The following TFEC variants were observed in gnomAD, a reference collection of about 807,000 sequenced individuals.
The protein encoded by TFEC is transcription factor EC, also known as class E basic helix-loop-helix protein 34.
In TFEC, 31 loss-of-function variants were observed where a neutral mutation model predicts 41.6. The observed-to-expected ratio is 0.74, with a 90% CI of 0.56 to 1.01. The LOEUF is 1.01. Ranked by LOEUF, TFEC falls within the 50% of genes least tolerant of loss-of-function variation. The pLI, the probability that TFEC is intolerant of heterozygous loss-of-function variation, is 0.00. For synonymous variants in TFEC, 143 were observed against 140.6 expected (o/e 1.02, Z -0.12); for missense variants, 402 against 404.1 (o/e 0.99, Z 0.04).
chr7:116,026,334 CTT>C (rs1795583663), intron 1 of TFEC, among the ~76,000 whole-genome samples: 2 of 152,210 alleles, frequency 1.3e-5, no homozygotes, highest in African/African-American at 4.8e-5. Context: ...CCCATCTTCT[CTT>C]TGAACCCTTT....
chr7:116,087,164 G>A lies in TFEC; in HGVS notation c.198+23544C>T, dbSNP rs529186121. Among the ~76,000 whole-genome samples, 7 of 152,004 alleles carry A rather than the reference G, an allele frequency of 4.6e-5. No homozygotes were observed. The Middle Eastern group carries it at 0.014, about 295-fold the overall frequency. On this transcript the variant is annotated intron_variant, in intron 3 of 8. Coordinates refer to the TFEC transcript ENST00000484212. ...TAAAAACTTCCAACTAAGCCTAAAT[G>A]CCACACCCTGGGATGCAGAATTTTA... is the stretch of plus-strand genomic sequence containing the variant.
At chr7:116,110,603 T>C (rs1797831367) in intron 3 of TFEC, 26 of 850,116 alleles carry the variant, frequency 3.1e-5, no homozygotes, top group Non-Finnish European at 4.2e-5. Context: ...TTTATTCTTG[T>C]TTTTTTCCTT....
At chr7:116,082,759 T>C (rs1797119546) in intron 3 of TFEC, among the ~76,000 whole-genome samples, 1 of 152,004 alleles carries the variant, frequency 6.6e-6, no homozygotes, top group African/African-American at 2.4e-5. Context: ...TTCATTATTA[T>C]GTACATATGT....
At chr7:116,098,719 T>C (rs1797529115) in intron 3 of TFEC, among the ~76,000 whole-genome samples, 1 of 152,152 alleles carries the variant, frequency 6.6e-6, no homozygotes, top group Non-Finnish European at 1.5e-5. Context: ...TAACTAAGAA[T>C]TGGCACCAAT....
intron 1 of TFEC, among the ~76,000 whole-genome samples, chr7:115,997,459 TG>T (rs757112164): frequency 3.3e-5 from 5 of 152,154 alleles, no homozygotes; most frequent in Non-Finnish European, 7.3e-5. Context: ...TTTAAATACC[TG>T]GAATGCCTTC....
chr7:116,110,179 A>G (rs994054492), intron 3 of TFEC, among the ~76,000 whole-genome samples: 46 of 152,198 alleles, frequency 3.0e-4, no homozygotes, highest in Non-Finnish European at 6.2e-4. Context: ...TACATATGTA[A>G]CAAACCTGCA....
chr7:116,108,689 T>C (rs1386703333), intron 3 of TFEC, among the ~76,000 whole-genome samples: 1 of 152,136 alleles, frequency 6.6e-6, no homozygotes, highest in Non-Finnish European at 1.5e-5. Context: ...TATATCCTCA[T>C]AGTGTTTGCT....
chr7:116,080,976 A>AGTGTGTGTGT (rs60317630), intron 3 of TFEC, among the ~76,000 whole-genome samples: 232 of 138,012 alleles, frequency 1.7e-3, no homozygotes, highest in East Asian at 6.5e-3. Flanking sequence ...AAGAAAATGT[A>AGTGTGTGTGT]GTGTGTGTGT....
intron 3 of TFEC, among the ~76,000 whole-genome samples, chr7:116,041,029 T>C (rs528714073): frequency 1.3e-5 from 2 of 152,170 alleles, no homozygotes; most frequent in Non-Finnish European, 2.9e-5. Flanking sequence ...ACTTATTTCA[T>C]GCATTGCAAA....
chr7:115,996,862 A>G (rs977746613), intron 1 of TFEC, among the ~76,000 whole-genome samples: 1 of 152,102 alleles, frequency 6.6e-6, no homozygotes, highest in Non-Finnish European at 1.5e-5. Flanking sequence ...TGAAAAGGAA[A>G]AGAAAGAGTG....
intron 3 of TFEC, among the ~76,000 whole-genome samples, chr7:116,035,918 G>T (rs529253024): frequency 6.6e-6 from 1 of 152,040 alleles, no homozygotes; most frequent in South Asian, 2.1e-4. Flanking sequence ...ATTTTTAAAT[G>T]TGGCTCAGAA....
chr7:116,083,102 A>G (rs1797127214), intron 3 of TFEC, among the ~76,000 whole-genome samples: 1 of 151,870 alleles, frequency 6.6e-6, no homozygotes, highest in African/African-American at 2.4e-5. Context: ...AAGTACTACG[A>G]AAATATTTAA....
chr7:116,036,283 T>C (rs1018985687), intron 3 of TFEC, among the ~76,000 whole-genome samples: 27 of 152,024 alleles, frequency 1.8e-4, no homozygotes, highest in African/African-American at 6.5e-4. Context: ...AGAGCTAGGG[T>C]ATTTACACTC....
At chr7:115,988,983 C>T (rs1447014858) in intron 1 of TFEC, among the ~76,000 whole-genome samples, 1 of 152,126 alleles carries the variant, frequency 6.6e-6, no homozygotes, top group Non-Finnish European at 1.5e-5. Context: ...AAAAACCCAC[C>T]AACCTAGAAT....
chr7:115,993,795 G>T (rs1394502407), intron 1 of TFEC, among the ~76,000 whole-genome samples: 2 of 150,562 alleles, frequency 1.3e-5, no homozygotes, highest in Non-Finnish European at 3.0e-5. Flanking sequence ...GTAATTTATA[G>T]ATTCAATACC....
intron 1 of TFEC, among the ~76,000 whole-genome samples, chr7:116,007,523 G>C (rs1388728176): frequency 6.6e-6 from 1 of 152,178 alleles, no homozygotes; most frequent in East Asian, 1.9e-4. Context: ...ACGGAGATAT[G>C]ATTATTTTCA....
intron 2 of TFEC, among the ~76,000 whole-genome samples, chr7:115,974,510 C>A (rs191314913): frequency 1.6e-3 from 223 of 136,434 alleles, no homozygotes; most frequent in African/African-American, 5.7e-3. Context: ...TGGTCTGTTG[C>A]TTTTTCTTGC....
chr7:116,083,720 G>A (rs1415108082), intron 3 of TFEC, among the ~76,000 whole-genome samples: 1 of 151,918 alleles, frequency 6.6e-6, no homozygotes, highest in Non-Finnish European at 1.5e-5. Context: ...TGTAGAGTTG[G>A]AGAATATAAG....
At chr7:116,116,014 C>A (rs1159698044) in intron 1 of TFEC, among the ~76,000 whole-genome samples, 1 of 151,836 alleles carries the variant, frequency 6.6e-6, no homozygotes, top group East Asian at 1.9e-4. Context: ...TGATATGAAT[C>A]CAAATCATGC....
Sources: allele counts gnomAD v4.1 joint callset (sites outside exome capture counted in the v4.1 genomes callset), GRCh38; gene constraint gnomAD v4.1.1; transcripts MANE v1.5; gene names NCBI Gene and HGNC (gene_info 2026-07-23, HGNC 2026-07-21).